The following EPB41L5 variants were observed in gnomAD, a reference collection of about 807,000 sequenced individuals.
The protein encoded by EPB41L5 is erythrocyte membrane protein band 4.1 like 5, also known as band 4.1-like protein 5.
EPB41L5 carries 55 observed loss-of-function variants against 106.6 expected under a neutral mutation model. That is an observed-to-expected ratio of 0.52 (90% confidence interval 0.42 to 0.65). EPB41L5 has a LOEUF of 0.65. Among genes scored for constraint, EPB41L5 ranks in the 30% least tolerant of loss-of-function variants. The pLI, the probability that EPB41L5 is intolerant of heterozygous loss-of-function variation, is 0.00. For synonymous variants in EPB41L5, 297 were observed against 306.7 expected (o/e 0.97, Z 0.33); for missense variants, 871 against 882.1 (o/e 0.99, Z 0.16).
intron 3 of EPB41L5, among the ~76,000 whole-genome samples, chr2:120,047,672 G>T (rs1263563695): frequency 1.3e-5 from 2 of 152,106 alleles, no homozygotes; most frequent in East Asian, 3.8e-4. Flanking sequence ...CTGCCTGATT[G>T]CCCTGGCCAG....
chr2:120,150,049 T>A (rs1178134505), intron 20 of EPB41L5, among the ~76,000 whole-genome samples: 2 of 152,014 alleles, frequency 1.3e-5, no homozygotes, highest in Non-Finnish European at 2.9e-5. Context: ...CATGCCACCA[T>A]GCTCGGCTAA....
intron 3 of EPB41L5, among the ~76,000 whole-genome samples, chr2:120,043,332 G>C (rs1353450351): frequency 2.0e-5 from 3 of 152,006 alleles, no homozygotes; most frequent in East Asian, 3.9e-4. Flanking sequence ...CTTGAGGTCA[G>C]GAGTTTGATA....
At chr2:120,041,887 T>C in intron 2 of EPB41L5, 119 bp from the exon 3 acceptor site, 1 of 610,762 alleles carries the variant, frequency 1.6e-6, no homozygotes, top group Non-Finnish European at 2.8e-6. Flanking sequence ...ATGCTAATAC[T>C]TTTGGTATTG....
chr2:120,166,303 T>TAAAC (rs1199747707), intron 22 of EPB41L5, among the ~76,000 whole-genome samples: 1 of 152,206 alleles, frequency 6.6e-6, no homozygotes, highest in African/African-American at 2.4e-5. Flanking sequence ...CTTAGATTAA[T>TAAAC]AAACAAAGAC....
At chr2:120,122,077 C>T (rs1685241036) in intron 16 of EPB41L5, among the ~76,000 whole-genome samples, 1 of 151,938 alleles carries the variant, frequency 6.6e-6, no homozygotes, top group Non-Finnish European at 1.5e-5. Flanking sequence ...GGATATTAGC[C>T]CTTTGTCAGA....
At chr2:120,094,504 A>G (rs1161313270) in intron 14 of EPB41L5, among the ~76,000 whole-genome samples, 1 of 149,152 alleles carries the variant, frequency 6.7e-6, no homozygotes, top group African/African-American at 2.5e-5. Context: ...CTAGTCTAGC[A>G]AAAGGTTTGT....
At chr2:120,104,658 T>A (rs1684345600) in intron 16 of EPB41L5, 1 of 986,112 alleles carries the variant, frequency 1.0e-6, no homozygotes, top group Non-Finnish European at 1.2e-6. Context: ...CTAGGCATAA[T>A]ATATCAGCCT....
chr2:120,150,272 G>A (rs552932897), intron 20 of EPB41L5, among the ~76,000 whole-genome samples: 23 of 152,076 alleles, frequency 1.5e-4, no homozygotes, highest in Admixed American at 4.6e-4. Context: ...TTGGCCATTC[G>A]TGTAACTTCT....
rs187419918 is a variant in EPB41L5 at position 120,151,678 on chromosome 2, G to A, written c.1793+5389G>A. Among the ~76,000 whole-genome samples, 1,164 of 148,342 alleles carry A rather than the reference G, an allele frequency of 7.8e-3. 12 individuals carry two copies. The highest frequency in any genetic ancestry group is 0.027 in the African/African-American group (1,099 of 40,008). On this transcript the variant is annotated intron_variant, in intron 20 of 24. Coordinates refer to ENST00000263713, the MANE Select transcript of EPB41L5 (RefSeq NM_020909.4). ...GTCACCCAGGCTGGAATGCAATGGCGCGATTTTGGTTCACTGCAGCCTCTG... is the reference window on the plus strand; with the variant it reads ...GTCACCCAGGCTGGAATGCAATGGCACGATTTTGGTTCACTGCAGCCTCTG...
At chr2:120,085,385 G>C (rs937887639) in intron 10 of EPB41L5, among the ~76,000 whole-genome samples, 1 of 152,316 alleles carries the variant, frequency 6.6e-6, no homozygotes, top group African/African-American at 2.4e-5. Flanking sequence ...TCCAGACCCT[G>C]TTTGCCTGGG....
chr2:120,023,448 C>G (rs1678082712), intron 2 of EPB41L5, among the ~76,000 whole-genome samples: 2 of 152,064 alleles, frequency 1.3e-5, no homozygotes, highest in African/African-American at 4.8e-5. Context: ...GAATCGTTTC[C>G]CCATTCCTTG....
At chr2:120,121,359 C>G (rs965895733) in intron 16 of EPB41L5, among the ~76,000 whole-genome samples, 7 of 152,124 alleles carry the variant, frequency 4.6e-5, no homozygotes, top group African/African-American at 9.7e-5. Context: ...CCCCACTCCC[C>G]CTCCCGACAG....
rs975772312 is a variant in EPB41L5, at chr2:120,143,191, T to C, written c.1728+60T>C. ...GAAATGAGCATGGGATGTAGAGAGTTGCCTTCCCCAACTCTAAATTCTAAT... is the reference window on the plus strand; with the variant it reads ...GAAATGAGCATGGGATGTAGAGAGTCGCCTTCCCCAACTCTAAATTCTAAT... On this transcript the variant is annotated intron_variant, in intron 19 of 24. Coordinates refer to ENST00000263713, the MANE Select transcript of EPB41L5 (RefSeq NM_020909.4). 8 of 1,446,398 alleles carry C rather than the reference T, an allele frequency of 5.5e-6. No individual in the cohort carries two copies. The African/African-American group carries it at 1.2e-4, about 21-fold the overall frequency. 89.6% of individuals were successfully genotyped at this position (1,446,398 alleles called of 1,614,324 possible).
At chr2:120,055,511 C>T (rs1246887033) in intron 3 of EPB41L5, among the ~76,000 whole-genome samples, 2 of 99,122 alleles carry the variant, frequency 2.0e-5, no homozygotes, top group African/African-American at 8.2e-5. Flanking sequence ...TTTTTTGAGA[C>T]AGAGTCTTGC....
intron 14 of EPB41L5, among the ~76,000 whole-genome samples, chr2:120,098,189 T>TGTGTGTGTGTGTGTGTGTG (rs1553506367): frequency 1.3e-5 from 2 of 150,446 alleles, no homozygotes; most frequent in Non-Finnish European, 3.0e-5. Context: ...TGTGTGTGTG[T>TGTGTGTGTGTGTGTGTGTG]TTTGGTGGGG....
At chr2:120,028,094 C>T (rs1247133392) in intron 2 of EPB41L5, among the ~76,000 whole-genome samples, 1 of 152,058 alleles carries the variant, frequency 6.6e-6, no homozygotes, top group Non-Finnish European at 1.5e-5. Flanking sequence ...GAACTCCTGC[C>T]CTCAGGTGAT....
At chr2:120,111,598 C>A (rs1232985743) in intron 16 of EPB41L5, among the ~76,000 whole-genome samples, 1 of 152,122 alleles carries the variant, frequency 6.6e-6, no homozygotes. Flanking sequence ...TCAGTAAATT[C>A]TGTCAGTTCT....
intron 20 of EPB41L5, among the ~76,000 whole-genome samples, chr2:120,148,267 T>G (rs1242997027): frequency 6.6e-6 from 1 of 152,080 alleles, no homozygotes; most frequent in Non-Finnish European, 1.5e-5. Context: ...TCTAGAACAT[T>G]GTTTGAGAAT....
rs1427931563 is a variant in EPB41L5 at position 120,100,761 on chromosome 2, G to A, written c.1284G>A (p.Val428=). The change falls in exon 16 of 25, where the codon GTG becomes GTA. Residue 428 remains valine (V), a synonymous_variant. Coordinates refer to ENST00000263713, the MANE Select transcript of EPB41L5 (RefSeq NM_020909.4). ...CCATTTCCTCTGCTCCTGTGCCAGT[G>A]GAGATAGAGAATCTTCCACAGAGTC... ...SPSISSAPVP[V]EIENLPQSPG... 2.5e-6 allele frequency: 4 copies of A among 1,613,194 alleles called. No individual in the cohort carries two copies. The highest frequency in any genetic ancestry group is 3.4e-6 in the Non-Finnish European group (4 of 1,179,510).
Sources: gnomAD v4.1 joint callset for allele counts (sites outside exome capture counted in the v4.1 genomes callset) on GRCh38, gnomAD v4.1.1 for gene constraint, MANE v1.5 for transcripts, NCBI Gene and HGNC (gene_info 2026-07-23, HGNC 2026-07-21) for gene names.